CUL9: variants seen among roughly 807,000 people sequenced by gnomAD.
The protein encoded by CUL9 is cullin-9.
CUL9 carries 79 observed loss-of-function variants against 272.6 expected under a neutral mutation model. That is an observed-to-expected ratio of 0.29 (90% CI 0.24 to 0.35). The LOEUF (loss-of-function observed/expected upper bound fraction) is 0.35, where lower values mean the gene tolerates loss of function less well. Among genes scored for constraint, CUL9 ranks in the 10% least tolerant of loss-of-function variants. The probability of loss-of-function intolerance (pLI) is 1.00; values close to 1 mark genes in which losing one functional copy is unlikely to be tolerated. For missense variants in CUL9, 2,532 were observed against 3,255.6 expected, an observed-to-expected ratio of 0.78 and a Z score of 5.41; for synonymous variants, 1,186 against 1,286.5, an observed-to-expected ratio of 0.92 and a Z score of 1.67.
chr6:43,212,380 A>G (rs1775581788), intron 26 of CUL9, among the ~76,000 whole-genome samples: 1 of 152,222 alleles, frequency 6.6e-6, no homozygotes, highest in Non-Finnish European at 1.5e-5. Flanking sequence ...GGGTTTTGAA[A>G]TAGTTATATC....
At chr6:43,222,238 A>T in intron 35 of CUL9, 78 bp from the exon 36 acceptor site, 7 of 1,153,574 alleles carry the variant, frequency 6.1e-6, no homozygotes, top group Non-Finnish European at 9.1e-6. Context: ...GGCCTCCGTG[A>T]ATGTTGGCTT....
chr6:43,193,833 C>G (rs953404745), intron 9 of CUL9, among the ~76,000 whole-genome samples: 4 of 152,096 alleles, frequency 2.6e-5, no homozygotes, highest in African/African-American at 9.7e-5. Flanking sequence ...GTTGAGTTTT[C>G]AGGTATATTG....
At chr6:43,191,508 T>G (rs1773503414) in intron 8 of CUL9, among the ~76,000 whole-genome samples, 1 of 144,702 alleles carries the variant, frequency 6.9e-6, no homozygotes, top group East Asian at 2.0e-4. Flanking sequence ...TTTTTTTTAC[T>G]TTTTGTAGAG....
intron 8 of CUL9, among the ~76,000 whole-genome samples, chr6:43,189,733 G>C (rs1341962554): frequency 6.6e-6 from 1 of 151,944 alleles, no homozygotes; most frequent in Non-Finnish European, 1.5e-5. Context: ...AGTAGAGACG[G>C]GGTTTCACCC....
intron 21 of CUL9, 64 bp downstream of exon 21, chr6:43,204,603 C>T (rs1430995719): frequency 6.2e-7 from 1 of 1,601,966 alleles, no homozygotes; most frequent in Non-Finnish European, 8.5e-7. Flanking sequence ...GCTCCCTCCT[C>T]CCTGGGTCTT....
At chr6:43,207,987 C>T (rs1316389678) in intron 26 of CUL9, among the ~76,000 whole-genome samples, 2 of 152,084 alleles carry the variant, frequency 1.3e-5, no homozygotes, top group Non-Finnish European at 2.9e-5. Context: ...TTTTTAAAAC[C>T]GCTAATCATA....
chr6:43,187,926 A>G lies in CUL9; in HGVS notation c.1795A>G (p.Lys599Glu). 1.2e-6 allele frequency: 2 copies of G among 1,614,118 alleles called. No individual in the cohort carries two copies. The highest frequency in any genetic ancestry group is 1.7e-6 in the Non-Finnish European group (2 of 1,180,004). ...SCTPDPEEES[K>E]SEASFSEEET... The stretch of plus-strand genomic sequence containing the variant: ...TACCCCAGATCCAGAAGAGGAGTCC[A>G]AGTCGGAGGCCAGCTTCTCAGAGGA... Residue 599 changes from lysine (K) to glutamate (E), a missense_variant, in exon 7 of 41, where the codon AAG (lysine) becomes GAG (glutamate). Physicochemically the swap from Lys to Glu is moderately conservative, Grantham distance 56 (BLOSUM62 1). Coordinates refer to ENST00000252050, the MANE Select transcript of CUL9 (RefSeq NM_015089.4).
Position 43,206,151 on chromosome 6 carries a change from G to C in CUL9, c.4938G>C (p.Gln1646His). Residue 1646 changes from glutamine (Q) to histidine (H), a missense_variant, in exon 25 of 41, where the codon CAG becomes CAC. By Grantham distance (24) the Gln-to-His change is conservative (BLOSUM62 0). Coordinates refer to ENST00000252050, the MANE Select transcript of CUL9 (RefSeq NM_015089.4). This position sits in a 1 kb window ranked among gnomAD's most constrained non-coding sequence, Gnocchi z 4.8. ...GCACCTCTGAGGAGCTGCAGCGCCA[G>C]TTCCACCTCTTCCAGCTCCAGCGGC... ...SLSTSEELQR[Q>H]FHLFQLQRLD... 3.1e-6 allele frequency: 5 copies of C among 1,614,164 alleles called. No homozygotes were observed. Among genetic ancestry groups the C allele is most frequent in the South Asian group, 1.1e-5 (1 of 91,078 alleles).
rs1204993728 is a variant in CUL9 at position 43,184,920 on chromosome 6, G to A, written c.595+15G>A. The A allele has an allele frequency of 2.6e-6, 4 of 1,567,638 alleles. No individual in the cohort carries two copies. The highest frequency in any genetic ancestry group is 3.5e-5 in the Admixed American group (2 of 57,872). On this transcript the variant is annotated intron_variant, in intron 2 of 40. Coordinates refer to ENST00000252050, the MANE Select transcript of CUL9 (RefSeq NM_015089.4). This position sits in a 1 kb window ranked among gnomAD's most constrained non-coding sequence, Gnocchi z 4.8. ...CCACGATGCTGGTAAGAGACAGCCA[G>A]GGAAGAAGGAAAGGAATGGAGAAAA...
chr6:43,183,194 C>G (rs1299840293), intron 1 of CUL9, among the ~76,000 whole-genome samples: 1 of 152,162 alleles, frequency 6.6e-6, no homozygotes. Context: ...CTCTCCTGAC[C>G]TCATTTCCTA....
intron 9 of CUL9, among the ~76,000 whole-genome samples, chr6:43,194,094 T>C (rs2150549937): frequency 6.6e-6 from 1 of 152,270 alleles, no homozygotes; most frequent in East Asian, 1.9e-4. Flanking sequence ...ACAGAAGTGC[T>C]GGCTGGTAGG....
At chr6:43,205,889 G>T in intron 24 of CUL9, 118 bp from the exon 25 acceptor site, 1 of 761,544 alleles carries the variant, frequency 1.3e-6, no homozygotes, top group Non-Finnish European at 2.1e-6. Flanking sequence ...TGGGAAAGAA[G>T]AGGTGAGGTA....
At chr6:43,193,959 A>C (rs1773759037) in intron 9 of CUL9, among the ~76,000 whole-genome samples, 1 of 152,206 alleles carries the variant, frequency 6.6e-6, no homozygotes, top group Admixed American at 6.5e-5. Flanking sequence ...GCACCCTTAC[A>C]TAGAAAATAC....
At chr6:43,189,473 C>T (rs189049690) in intron 8 of CUL9, among the ~76,000 whole-genome samples, 5 of 152,236 alleles carry the variant, frequency 3.3e-5, no homozygotes, top group Admixed American at 2.0e-4. Flanking sequence ...CGTGAGCCAC[C>T]GCGTCCAGCC....
intron 9 of CUL9, among the ~76,000 whole-genome samples, chr6:43,194,612 C>G (rs1226799791): frequency 6.6e-6 from 1 of 152,006 alleles, no homozygotes; most frequent in Non-Finnish European, 1.5e-5. Context: ...AGCCATCACA[C>G]CCAGCCTGGG....
At position 43,187,032 on chromosome 6, in the gene CUL9, G is replaced by A; in HGVS notation, c.1324G>A (p.Ala442Thr). Residue 442 changes from alanine to threonine, a missense_variant, in exon 5 of 41, where the codon GCC (alanine) becomes ACC (threonine). By Grantham distance (58) the Ala-to-Thr change is moderately conservative. Coordinates refer to ENST00000252050, the MANE Select transcript of CUL9 (RefSeq NM_015089.4). ...GCTGGAGATCCTGGGCCCTGAGGAAGCCACTGAGGATAAGGCTTCAGCAGC... is the reference window on the plus strand; with the variant it reads ...GCTGGAGATCCTGGGCCCTGAGGAAACCACTGAGGATAAGGCTTCAGCAGC... The part of the protein sequence containing the change: ...HMLEILGPEE[A>T]TEDKASAAVE... 1 of 1,614,128 alleles carries A rather than the reference G, an allele frequency of 6.2e-7. No homozygotes were observed. Among genetic ancestry groups the A allele is most frequent in the Non-Finnish European group, 8.5e-7 (1 of 1,179,976 alleles).
In CUL9 at chr6:43,187,817, C is replaced by G. The variant is rs772188926; in HGVS notation, c.1686C>G (p.Asp562Glu). The stretch of plus-strand genomic sequence containing the variant: ...GATTTGAGGGCAGCACTCTCAATGA[C>G]CTGCTCAACTCCCAGATCTACACCA... ...SSRFEGSTLN[D>E]LLNSQIYTKY... Residue 562 changes from aspartate to glutamate, a missense_variant, in exon 7 of 41, where the codon GAC becomes GAG. By Grantham distance (45) the Asp-to-Glu change is conservative (BLOSUM62 2). Transcript: ENST00000252050. The G allele has an allele frequency of 1.3e-6, 2 of 1,540,940 alleles. No homozygotes were observed. Among genetic ancestry groups the G allele is most frequent in the Non-Finnish European group, 1.7e-6 (2 of 1,146,250 alleles).
rs778228532 is a variant in CUL9, at chr6:43,200,883, C to T, written c.3647+49C>T. 3 of 1,606,502 alleles carry T rather than the reference C, an allele frequency of 1.9e-6. No individual in the cohort carries two copies. In the South Asian group the frequency reaches 3.3e-5, roughly 18 times the overall value. On this transcript the variant is annotated intron_variant, in intron 16 of 40. Transcript: ENST00000252050. This position sits in a 1 kb window ranked among gnomAD's most constrained non-coding sequence, Gnocchi z 4.0. Reference sequence around the variant, plus strand: ...TTCTGCTGTGCCCCAGGATACTTCCCCAAAGCACCCAGATACACACAACCC... The same window carrying T: ...TTCTGCTGTGCCCCAGGATACTTCCTCAAAGCACCCAGATACACACAACCC...
In CUL9 at chr6:43,213,165, C is replaced by G. The variant is rs143018093; in HGVS notation, c.5229C>G (p.Val1743=). The G allele has an allele frequency of 8.2e-5, 133 of 1,614,032 alleles. No individual in the cohort carries two copies. The highest frequency in any genetic ancestry group is 1.0e-4 in the Non-Finnish European group (122 of 1,180,012). The change falls in exon 27 of 41, where the codon GTC becomes GTG. Residue 1743 remains valine, a synonymous_variant. Coordinates refer to ENST00000252050, the MANE Select transcript of CUL9 (RefSeq NM_015089.4). The surrounding 1 kb of genome is among the most constrained non-coding windows in gnomAD (Gnocchi z 5.7). ...CTTGCCTAGGTCAGAACCATCCAGT[C>G]CTGGACATGGGACCACATCGGCGAC... ...SFYSQSQNHP[V]LDMGPHRRLQ...
Sources: allele counts gnomAD v4.1 joint callset (sites outside exome capture counted in the v4.1 genomes callset), GRCh38; gene constraint gnomAD v4.1.1; non-coding constraint Gnocchi (gnomAD v3.1); transcripts MANE v1.5; gene names NCBI Gene and HGNC (gene_info 2026-07-23, HGNC 2026-07-21).